The following CNOT7 variants were observed in gnomAD, a reference collection of about 807,000 sequenced individuals.
CNOT7 encodes the protein BTG1-binding factor 1.
Under a neutral mutation model 37.1 loss-of-function variants are expected in CNOT7, and 4 were observed. The observed-to-expected ratio is 0.11, with a 90% confidence interval of 0.05 to 0.25. The LOEUF (loss-of-function observed/expected upper bound fraction) is 0.25. Ranked by LOEUF, CNOT7 falls within the 10% of genes least tolerant of loss-of-function variation. CNOT7 has a pLI of 1.00. For missense variants in CNOT7, 170 were observed against 336.2 expected (o/e 0.51, Z 3.87); for synonymous variants, 128 against 115.6 (o/e 1.11, Z -0.69).
chr8:17,234,314 T>A (rs1563192494), intron 5 of CNOT7, among the ~76,000 whole-genome samples: 1 of 152,202 alleles, frequency 6.6e-6, no homozygotes, highest in Non-Finnish European at 1.5e-5. Context: ...ACTAAATACA[T>A]CTGCATATCG....
Position 17,237,160 on chromosome 8 carries a change from G to A in CNOT7, c.473+52C>T, listed in dbSNP as rs565983930. ...TAACATAGTGACCCAAGTAAGTGTG[G>A]AGCAAGTATGAGATGGAAAAACAAA... On this transcript the variant is annotated intron_variant, in intron 4 of 6. Coordinates refer to ENST00000361272, the MANE Select transcript of CNOT7 (RefSeq NM_013354.7). The A allele has an allele frequency of 5.8e-4, 916 of 1,566,266 alleles. 6 individuals are homozygous for A. The highest frequency in any genetic ancestry group is 3.6e-3 in the Middle Eastern group (16 of 4,496).
chr8:17,236,863 TTTC>T (rs1809432271), intron 4 of CNOT7, among the ~76,000 whole-genome samples: 2 of 152,164 alleles, frequency 1.3e-5, no homozygotes, highest in Non-Finnish European at 2.9e-5. Flanking sequence ...AAGTGAATGG[TTTC>T]CCCCGTAGAA....
intron 4 of CNOT7, among the ~76,000 whole-genome samples, chr8:17,236,347 A>G (rs376664450): frequency 5.9e-5 from 9 of 152,332 alleles, no homozygotes; most frequent in Non-Finnish European, 1.0e-4. Flanking sequence ...ACAAAAGCCA[A>G]TATCATTCTG....
intron 5 of CNOT7, among the ~76,000 whole-genome samples, chr8:17,234,070 A>G (rs1170058593): frequency 6.6e-6 from 1 of 152,196 alleles, no homozygotes; most frequent in Non-Finnish European, 1.5e-5. Context: ...CAAAAAAAGA[A>G]TTAATGTTTA....
chr8:17,237,547 A>G, intron 3 of CNOT7, 174 bp from the exon 4 acceptor site: 1 of 558,550 alleles, frequency 1.8e-6, no homozygotes, highest in Non-Finnish European at 3.2e-6. Context: ...TACAAAGGTC[A>G]TTATTTCAGA....
chr8:17,241,890 T>A (rs1331962646), intron 3 of CNOT7: 1 of 152,238 alleles, frequency 6.6e-6, no homozygotes, highest in Non-Finnish European at 1.5e-5. Context: ...GAGCTATATG[T>A]AAATTTAAGA....
intron 5 of CNOT7, among the ~76,000 whole-genome samples, chr8:17,233,226 G>A (rs1355016682): frequency 2.0e-5 from 3 of 152,136 alleles, no homozygotes; most frequent in Non-Finnish European, 4.4e-5. Flanking sequence ...TAAGTAGAGC[G>A]TGAAGGAAAG....
chr8:17,240,329 C>T (rs911346695), intron 3 of CNOT7, among the ~76,000 whole-genome samples: 1 of 151,502 alleles, frequency 6.6e-6, no homozygotes, highest in African/African-American at 2.4e-5. Context: ...ACAAATTTGT[C>T]AACTTTCTTA....
chr8:17,233,958 G>A (rs904986368), intron 5 of CNOT7, among the ~76,000 whole-genome samples: 2 of 152,196 alleles, frequency 1.3e-5, no homozygotes, highest in Non-Finnish European at 2.9e-5. Flanking sequence ...GGAGGCTGAG[G>A]CAGGAGAATC....
chr8:17,244,878 AT>A (rs1810683674), intron 2 of CNOT7, 157 bp downstream of exon 2: 6 of 624,616 alleles, frequency 9.6e-6, no homozygotes, highest in Non-Finnish European at 1.7e-5. Flanking sequence ...TCACAGGTGT[AT>A]TCCTGATGGA....
intron 3 of CNOT7, among the ~76,000 whole-genome samples, chr8:17,239,902 A>G (rs567876034): frequency 2.7e-4 from 41 of 152,186 alleles, no homozygotes; most frequent in Non-Finnish European, 4.9e-4. Flanking sequence ...TTCAATTTTC[A>G]TGGATGTATC....
intron 5 of CNOT7, 190 bp downstream of exon 5, chr8:17,234,526 T>C (rs183357716): frequency 4.1e-5 from 24 of 588,106 alleles, no homozygotes; most frequent in African/African-American, 3.9e-4. Context: ...CAAGACATAC[T>C]GAAGCTCTGA....
chr8:17,235,123 A>G (rs573889427), intron 4 of CNOT7, among the ~76,000 whole-genome samples: 39 of 152,314 alleles, frequency 2.6e-4, no homozygotes, highest in African/African-American at 8.9e-4. Flanking sequence ...CCTATGGTCA[A>G]TAAAATACTA....
rs1808166649 is a variant in CNOT7 at position 17,226,407 on chromosome 8, A to G, written c.*4313T>C. On this transcript the variant is annotated 3_prime_UTR_variant, in exon 7 of 7. Coordinates refer to ENST00000361272, the MANE Select transcript of CNOT7 (RefSeq NM_013354.7). ...CACACAAACAGGTCAAGGTACTGCT[A>G]AATACTGACACATCCACCCATGAGC... The G allele has an allele frequency of 6.6e-6, 1 of 151,678 alleles. No homozygotes were observed. Among genetic ancestry groups the G allele is most frequent in the Non-Finnish European group, 1.5e-5 (1 of 67,686 alleles). The allele number at this position is 151,678 out of a possible 1,614,324, so 9.4% of individuals were successfully genotyped here. A position where few individuals can be genotyped will look rare whatever the true frequency, so the allele number is the denominator to read the frequency against.
rs138332155 is a variant in CNOT7 at position 17,228,704 on chromosome 8, A to C, written c.*2016T>G. 10 of 152,094 alleles carry C rather than the reference A, an allele frequency of 6.6e-5. No individual in the cohort carries two copies. Among genetic ancestry groups the C allele is most frequent in the Non-Finnish European group, 1.2e-4 (8 of 67,854 alleles). 9.4% of individuals were successfully genotyped at this position (152,094 alleles called of 1,614,324 possible). ...ATTATCTATACTTTTTAGGGACAGAAGCCAGAAATGATACAAGTTATGAGA... is the reference window on the plus strand; with the variant it reads ...ATTATCTATACTTTTTAGGGACAGACGCCAGAAATGATACAAGTTATGAGA... On this transcript the variant is annotated 3_prime_UTR_variant, in exon 7 of 7. Coordinates refer to ENST00000361272, the MANE Select transcript of CNOT7 (RefSeq NM_013354.7).
chr8:17,241,693 G>GTT (rs1229618660), intron 3 of CNOT7: 3 of 152,098 alleles, frequency 2.0e-5, no homozygotes, highest in Non-Finnish European at 4.4e-5. Context: ...CTCACTCAAC[G>GTT]TTATCAATAA....
At position 17,228,624 on chromosome 8, in the gene CNOT7, T is replaced by G. The variant is rs1398095091; in HGVS notation, c.*2096A>C. On this transcript the variant is annotated 3_prime_UTR_variant, in exon 7 of 7. Coordinates refer to ENST00000361272, the MANE Select transcript of CNOT7 (RefSeq NM_013354.7). ...CTCCTAAACTTTTGATGGGGTTACC[T>G]CTCAATACACCCACTGTAAAGTTGA... is the stretch of plus-strand genomic sequence containing the variant. 6.6e-6 allele frequency: 1 copy of G among 152,058 alleles called. No homozygotes were observed. Among genetic ancestry groups the G allele is most frequent in the African/African-American group, 2.4e-5 (1 of 41,544 alleles). 9.4% of individuals were successfully genotyped at this position (152,058 alleles called of 1,614,324 possible). A position where few individuals can be genotyped will look rare whatever the true frequency, so the allele number is the denominator to read the frequency against.
At chr8:17,231,527 C>G in intron 6 of CNOT7, 1 of 985,072 alleles carries the variant, frequency 1.0e-6, no homozygotes, top group Non-Finnish European at 1.2e-6. Flanking sequence ...AGCAAAACAG[C>G]TTTAATGCTT....
In CNOT7 at chr8:17,227,344, TG is replaced by T. The variant is rs1260050664; in HGVS notation, c.*3375del. On this transcript the variant is annotated 3_prime_UTR_variant, in exon 7 of 7. Transcript: ENST00000361272. ...TCTTCGATCACTTCAAATCCAGCAA[TG>T]GTTTCTCAAAAAATAAAGCTAGGCA... The T allele has an allele frequency of 6.6e-6, 1 of 151,818 alleles. No individual in the cohort carries two copies. The highest frequency in any genetic ancestry group is 6.6e-5 in the Admixed American group (1 of 15,210). 9.4% of individuals were successfully genotyped at this position (151,818 alleles called of 1,614,324 possible). A position where few individuals can be genotyped will look rare whatever the true frequency, so the allele number is the denominator to read the frequency against.
Sources: gnomAD v4.1 joint callset for allele counts (sites outside exome capture counted in the v4.1 genomes callset) on GRCh38, gnomAD v4.1.1 for gene constraint, MANE v1.5 for transcripts, NCBI Gene and HGNC (gene_info 2026-07-23, HGNC 2026-07-21) for gene names.